The following NOL9 variants were observed in gnomAD, a reference collection of about 807,000 sequenced individuals.
NOL9 encodes the protein nucleolar protein 9.
NOL9 carries 28 observed loss-of-function variants against 67.9 expected under a neutral mutation model. The ratio of observed to expected loss-of-function variants is 0.41; its 90% CI spans 0.31 to 0.57. NOL9 has a LOEUF of 0.57. Ranked by LOEUF, NOL9 falls within the 20% of genes least tolerant of loss-of-function variation. The probability of loss-of-function intolerance (pLI) is 0.25; values close to 1 mark genes in which losing one functional copy is unlikely to be tolerated. For missense variants in NOL9, 777 were observed against 897.0 expected (o/e 0.87, Z 1.71); for synonymous variants, 356 against 352.2 (o/e 1.01, Z -0.12).
intron 6 of NOL9, among the ~76,000 whole-genome samples, chr1:6,540,348 T>A (rs1639256584): frequency 6.6e-6 from 1 of 151,760 alleles, no homozygotes; most frequent in Non-Finnish European, 1.5e-5. Flanking sequence ...GGTCTCGATC[T>A]CCTAACCTCG....
At chr1:6,538,070 TAA>T (rs993586902) in intron 6 of NOL9, among the ~76,000 whole-genome samples, 4 of 148,486 alleles carry the variant, frequency 2.7e-5, no homozygotes, top group African/African-American at 9.9e-5. Context: ...TAAAAAAATT[TAA>T]AAAGTTAAAA....
intron 1 of NOL9, among the ~76,000 whole-genome samples, 196 bp downstream of exon 1, chr1:6,553,911 T>G (rs923256189): frequency 2.0e-5 from 3 of 152,174 alleles, no homozygotes; most frequent in African/African-American, 7.2e-5. Flanking sequence ...TAGGGACCCC[T>G]TAGCAGGGTA....
At chr1:6,538,847 G>T (rs1317724797) in intron 6 of NOL9, among the ~76,000 whole-genome samples, 1 of 151,392 alleles carries the variant, frequency 6.6e-6, no homozygotes, top group Non-Finnish European at 1.5e-5. Context: ...GCCAGGCGTG[G>T]TGTAGTTCCA....
At chr1:6,541,722 G>T (rs1217660261) in intron 6 of NOL9, 108 bp downstream of exon 6, 3 of 525,352 alleles carry the variant, frequency 5.7e-6, no homozygotes, top group Non-Finnish European at 9.5e-6. Context: ...TTTGGTAGGC[G>T]CATGTTCCCT....
chr1:6,547,894 G>A (rs770050918), intron 3 of NOL9: 4 of 176,394 alleles, frequency 2.3e-5, no homozygotes, highest in African/African-American at 4.8e-5. Flanking sequence ...TTGTCTACAC[G>A]AAGTGAGAAT....
At chr1:6,553,083 A>ACTACAGGCCTGAGCCACCGCGC (rs1355004858) in intron 1 of NOL9, among the ~76,000 whole-genome samples, 1 of 152,204 alleles carries the variant, frequency 6.6e-6, no homozygotes, top group African/African-American at 2.4e-5. Context: ...AAGTGCCGGG[A>ACTACAGGCCTGAGCCACCGCGC]CTACAGGCCT....
In NOL9 at chr1:6,554,479, T is replaced by C. The variant is rs1469870823; in HGVS notation, c.24A>G (p.Leu8=). The C allele has an allele frequency of 9.7e-6, 15 of 1,544,950 alleles. No homozygotes were observed. Among genetic ancestry groups the C allele is most frequent in the Admixed American group, 1.9e-5 (1 of 52,036 alleles). MADSGLL[L]KRGSCRSTWL... ...AAGTGGAACGGCAGGAACCCCGCTT[T>C]AGCAGCAGTCCCGAGTCCGCCATGC... Residue 8 remains leucine (L), a synonymous_variant, in exon 1 of 12, where the codon CTA becomes CTG. Transcript: ENST00000377705.
intron 6 of NOL9, among the ~76,000 whole-genome samples, chr1:6,540,140 T>TTTTTTTTTA: frequency 6.8e-6 from 1 of 146,090 alleles, no homozygotes; most frequent in African/African-American, 2.5e-5. Context: ...TTTTTTTTTT[T>TTTTTTTTTA]GAGACAGAGT....
rs74795358 is a variant in NOL9, at chr1:6,545,973, C to T, written c.745-793G>A. Among the ~76,000 whole-genome samples the T allele has an allele frequency of 8.7e-3, 1,285 of 147,248 alleles. 15 individuals are homozygous for T. Among genetic ancestry groups the T allele is most frequent in the African/African-American group, 0.029 (1,172 of 40,302 alleles). The stretch of plus-strand genomic sequence containing the variant: ...AGCAGCCTAGTGTGAGGCTTCCTAT[C>T]GGCAATGCTGGATCTTAGAAAACAA... On this transcript the variant is annotated intron_variant, in intron 3 of 11. Transcript: ENST00000377705.
rs1639071003 is a variant in NOL9, at chr1:6,533,101, G to A, written c.1237+179C>T. Among the ~76,000 whole-genome samples the A allele has an allele frequency of 2.6e-5, 4 of 152,176 alleles. No homozygotes were observed. In the South Asian group the frequency reaches 8.3e-4, roughly 32 times the overall value. On this transcript the variant is annotated intron_variant, in intron 7 of 11. Transcript: ENST00000377705. ...GAGGTGGGAGGATTGTTTGAGCCTG[G>A]GAGGCAGAGGATGCAGTGAGCCGAG...
chr1:6,529,971 T>C (rs1638984683), intron 9 of NOL9, among the ~76,000 whole-genome samples: 1 of 152,044 alleles, frequency 6.6e-6, no homozygotes, highest in Non-Finnish European at 1.5e-5. Context: ...TACAAAAATT[T>C]AGCCAAGTGT....
chr1:6,546,114 CA>C, intron 3 of NOL9, among the ~76,000 whole-genome samples: 1 of 149,568 alleles, frequency 6.7e-6, no homozygotes, highest in Non-Finnish European at 1.5e-5. Context: ...ATTAGATAAT[CA>C]AGTTTACTAT....
rs146476724 is a variant in NOL9 at position 6,546,431 on chromosome 1, C to T, written c.745-1251G>A. The stretch of plus-strand genomic sequence containing the variant: ...AACAGTCCGTTCGCTGTCCCACTCT[C>T]ATTTCTTCTCTCCTTTCACTTCAAA... On this transcript the variant is annotated intron_variant, in intron 3 of 11. Transcript: ENST00000377705. 1.6e-3 allele frequency among the ~76,000 whole-genome samples: 237 copies of T among 152,316 alleles called. 2 individuals carry two copies. Among genetic ancestry groups the T allele is most frequent in the African/African-American group, 5.5e-3 (229 of 41,580 alleles).
intron 1 of NOL9, among the ~76,000 whole-genome samples, chr1:6,552,591 C>G (rs10779794): frequency 0.8 from 121,065 of 151,412 alleles, 49,266 homozygotes; most frequent in Non-Finnish European, 0.87. Flanking sequence ...TCTCAAACTC[C>G]TGACCTCAGG....
At chr1:6,532,861 G>C in intron 7 of NOL9, 101 bp from the exon 8 acceptor site, 1 of 1,154,244 alleles carries the variant, frequency 8.7e-7, no homozygotes, top group South Asian at 1.6e-5. Flanking sequence ...TTTGTTCTAA[G>C]ACAAAGAAAC....
Position 6,529,020 on chromosome 1 carries a change from G to C in NOL9, c.1799C>G (p.Thr600Ser), listed in dbSNP as rs1191226155. 6.2e-7 allele frequency: 1 copy of C among 1,614,120 alleles called. No homozygotes were observed. The highest frequency in any genetic ancestry group is 2.2e-5 in the East Asian group (1 of 44,870). Residue 600 changes from threonine to serine, a missense_variant, in exon 10 of 12, where the codon ACT becomes AGT. Transcript: ENST00000377705. ...AAAGCCCAAGCAGTCACAGATTGGAGTCTGGGCAAGCAGGATGGGCCCATT... is the reference window on the plus strand; with the variant it reads ...AAAGCCCAAGCAGTCACAGATTGGACTCTGGGCAAGCAGGATGGGCCCATT... ...YTNGPILLAQ[T>S]PICDCLGFGI...
At position 6,529,063 on chromosome 1, in the gene NOL9, C is replaced by CCTGATCCTTTGCAAG; in HGVS notation, c.1755_1756insCTTGCAAAGGATCAG (p.Asp585_Asp586insLeuAlaLysAspGln). ...GGCCCATTCGTGTATCCTCTGACGT[C>CCTGATCCTTTGCAAG]ATCCTGGATCTTGCAAAGACCAACC... On this transcript the variant is annotated inframe_insertion, in exon 10 of 12. Coordinates refer to ENST00000377705, the MANE Select transcript of NOL9 (RefSeq NM_024654.5). 1 of 1,614,156 alleles carries CCTGATCCTTTGCAAG rather than the reference C, an allele frequency of 6.2e-7. No homozygotes were observed.
At chr1:6,552,181 G>A (rs1231502515) in intron 1 of NOL9, among the ~76,000 whole-genome samples, 2 of 152,194 alleles carry the variant, frequency 1.3e-5, no homozygotes, top group Admixed American at 6.5e-5. Flanking sequence ...AATGGATGCT[G>A]GGCTTAATAC....
In NOL9 at chr1:6,554,343, G is replaced by C; in HGVS notation, c.160C>G (p.Gln54Glu). The change falls in exon 1 of 12, where the codon CAA becomes GAA. Residue 54 changes from glutamine to glutamate, a missense_variant. Around this residue, in one of 2 missense-constraint regions of NOL9, gnomAD observed 364 missense variants for 344.4 expected, o/e 1.06. Coordinates refer to ENST00000377705, the MANE Select transcript of NOL9 (RefSeq NM_024654.5). ...GRRRLRWRLL[Q>E]AQASGVDWRE... ...CAGTCCACGCCGGACGCCTGGGCTT[G>C]CAGTAACCGCCACCGTAGGCGCCGC... 1 of 1,460,874 alleles carries C rather than the reference G, an allele frequency of 6.8e-7. No individual in the cohort carries two copies. The highest frequency in any genetic ancestry group is 9.0e-7 in the Non-Finnish European group (1 of 1,113,652). The allele number at this position is 1,460,874 out of a possible 1,614,324, so 90.5% of individuals were successfully genotyped here.
Sources: gnomAD v4.1 joint callset for allele counts (sites outside exome capture counted in the v4.1 genomes callset) on GRCh38, gnomAD v4.1.1 for gene constraint, gnomAD v4.1.1 regional missense constraint, MANE v1.5 for transcripts, NCBI Gene and HGNC (gene_info 2026-07-23, HGNC 2026-07-21) for gene names.